Variants in CADPS2 observed in about 807,000 individuals in gnomAD.
CADPS2 encodes calcium dependent secretion activator 2.
A neutral mutation model predicts 172.5 loss-of-function variants in CADPS2; 93 were observed. That is an observed-to-expected ratio of 0.54 (90% CI 0.46 to 0.64). The LOEUF (loss-of-function observed/expected upper bound fraction) is 0.64. Ranked by LOEUF, CADPS2 falls within the 30% of genes least tolerant of loss-of-function variation. The pLI is 0.00. For missense variants in CADPS2, 1,420 were observed against 1,565.9 expected (o/e 0.91, Z 1.57); for synonymous variants, 546 against 555.2 (o/e 0.98, Z 0.23).
intron 2 of CADPS2, among the ~76,000 whole-genome samples, chr7:122,733,976 T>C (rs1258150965): frequency 1.3e-5 from 2 of 151,938 alleles, no homozygotes; most frequent in East Asian, 3.9e-4. Context: ...ATTAAATAAA[T>C]GAAATTGCTT....
intron 27 of CADPS2, among the ~76,000 whole-genome samples, chr7:122,355,036 T>C (rs2039191026): frequency 6.6e-6 from 1 of 152,104 alleles, no homozygotes; most frequent in African/African-American, 2.4e-5. Context: ...CTCCTAAGTA[T>C]GATTTTTTTT....
At chr7:122,850,635 C>T (rs1358207774) in intron 1 of CADPS2, among the ~76,000 whole-genome samples, 1 of 152,252 alleles carries the variant, frequency 6.6e-6, no homozygotes, top group Non-Finnish European at 1.5e-5. Context: ...TCCTGATGGT[C>T]AGCTCCCTTC....
At chr7:122,637,993 T>G (rs1237689471) in intron 3 of CADPS2, among the ~76,000 whole-genome samples, 1 of 152,220 alleles carries the variant, frequency 6.6e-6, no homozygotes, top group Non-Finnish European at 1.5e-5. Context: ...GAGTGGTGGC[T>G]GGCAGATAGC....
chr7:122,651,983 A>G (rs1588140957), intron 3 of CADPS2, among the ~76,000 whole-genome samples: 1 of 152,148 alleles, frequency 6.6e-6, no homozygotes, highest in Non-Finnish European at 1.5e-5. Context: ...CTCATACTCC[A>G]GTAGTCAACG....
intron 7 of CADPS2, among the ~76,000 whole-genome samples, chr7:122,570,123 A>C (rs2067024752): frequency 6.7e-6 from 1 of 149,302 alleles, no homozygotes; most frequent in Non-Finnish European, 1.5e-5. Flanking sequence ...AAATTTTCGC[A>C]ACCTACTCAT....
chr7:122,841,489 C>T (rs1479830384), intron 1 of CADPS2, among the ~76,000 whole-genome samples: 2 of 152,088 alleles, frequency 1.3e-5, no homozygotes, highest in African/African-American at 4.8e-5. Flanking sequence ...TAAACCTATA[C>T]CTTACTGTAT....
At chr7:122,323,430 G>T (rs556332622) in intron 29 of CADPS2, among the ~76,000 whole-genome samples, 111 of 152,088 alleles carry the variant, frequency 7.3e-4, no homozygotes, top group African/African-American at 2.6e-3. Flanking sequence ...TAAAATTATT[G>T]TTCTTTTATG....
Position 122,416,069 on chromosome 7 carries a change from G to C in CADPS2, c.2572C>G (p.His858Asp). The change falls in exon 18 of 30, where the codon CAT (histidine) becomes GAT (aspartate). Residue 858 changes from histidine to aspartate, a missense_variant. Coordinates refer to ENST00000449022, the MANE Select transcript of CADPS2 (RefSeq NM_017954.11). ...TGAAAACAGGTCATCACCTCTGCATGATGCTCTTCATTCTGCTGTAAGACT... is the reference window on the plus strand; with the variant it reads ...TGAAAACAGGTCATCACCTCTGCATCATGCTCTTCATTCTGCTGTAAGACT... ...IEVLQQNEEH[H>D]AEGREAFAWW... The C allele has an allele frequency of 1.3e-6, 2 of 1,526,006 alleles. No homozygotes were observed. The highest frequency in any genetic ancestry group is 1.2e-5 in the South Asian group (1 of 82,196). The allele number at this position is 1,526,006 out of a possible 1,614,324, so 94.5% of individuals were successfully genotyped here. A position where few individuals can be genotyped will look rare whatever the true frequency, so the allele number is the denominator to read the frequency against.
At position 122,633,294 on chromosome 7, in the gene CADPS2, G is replaced by A. The variant is rs73218247; in HGVS notation, c.787-3966C>T. On this transcript the variant is annotated intron_variant, in intron 3 of 29. Transcript: ENST00000449022. ...TAAATTGCTTTGGGCAGTATGATCC[G>A]TTTAATGATACTGATTTTTCCATTC... Among the ~76,000 whole-genome samples the A allele has an allele frequency of 6.7e-3, 1,019 of 152,090 alleles. 7 individuals are homozygous for A. Among genetic ancestry groups the A allele is most frequent in the Non-Finnish European group, 0.01 (696 of 67,934 alleles).
intron 6 of CADPS2, among the ~76,000 whole-genome samples, chr7:122,602,694 T>G (rs532260655): frequency 1.1e-4 from 17 of 152,184 alleles, no homozygotes; most frequent in African/African-American, 4.1e-4. Flanking sequence ...TATGAATACT[T>G]TGATTCACAG....
At chr7:122,673,750 G>A (rs556452995) in intron 2 of CADPS2, among the ~76,000 whole-genome samples, 1 of 152,340 alleles carries the variant, frequency 6.6e-6, no homozygotes, top group East Asian at 1.9e-4. Context: ...AACTGGCTTC[G>A]CCTAGTGGAT....
intron 7 of CADPS2, among the ~76,000 whole-genome samples, chr7:122,558,286 T>G (rs191497328): frequency 1.7e-4 from 26 of 152,298 alleles, no homozygotes; most frequent in Admixed American, 8.5e-4. Flanking sequence ...TCATAATAAT[T>G]AAAATATTTA....
At chr7:122,647,534 TA>T (rs2078695212) in intron 3 of CADPS2, among the ~76,000 whole-genome samples, 1 of 152,202 alleles carries the variant, frequency 6.6e-6, no homozygotes, top group African/African-American at 2.4e-5. Context: ...ATTACATAAG[TA>T]ATATTCTGCT....
intron 1 of CADPS2, among the ~76,000 whole-genome samples, chr7:122,880,807 A>T (rs993865338): frequency 6.6e-6 from 1 of 152,230 alleles, no homozygotes; most frequent in South Asian, 2.1e-4. Context: ...ACATAAAATG[A>T]TATATTACAG....
chr7:122,719,138 G>A (rs1023235054), intron 2 of CADPS2, among the ~76,000 whole-genome samples: 3 of 152,042 alleles, frequency 2.0e-5, no homozygotes, highest in African/African-American at 7.2e-5. Context: ...TGTAGGAGGA[G>A]GGAGCCATGG....
intron 11 of CADPS2, among the ~76,000 whole-genome samples, chr7:122,484,869 C>T (rs2057650916): frequency 6.6e-6 from 1 of 152,084 alleles, no homozygotes; most frequent in African/African-American, 2.4e-5. Context: ...TCCATGGTGT[C>T]ACTTTTTTAA....
At chr7:122,327,212 C>T (rs993716091) in intron 28 of CADPS2, among the ~76,000 whole-genome samples, 7 of 152,020 alleles carry the variant, frequency 4.6e-5, no homozygotes, top group East Asian at 1.9e-4. Context: ...CTTTAATTTC[C>T]GACACTAAAT....
chr7:122,744,847 T>C (rs1430592612), intron 1 of CADPS2, among the ~76,000 whole-genome samples: 4 of 152,156 alleles, frequency 2.6e-5, no homozygotes, highest in Non-Finnish European at 4.4e-5. Context: ...CATGTCATCA[T>C]GGCATTGTCT....
At chr7:122,664,843 GAC>G (rs2081015098) in intron 2 of CADPS2, among the ~76,000 whole-genome samples, 1 of 151,968 alleles carries the variant, frequency 6.6e-6, no homozygotes, top group Non-Finnish European at 1.5e-5. Context: ...GGAGCCCAGT[GAC>G]ACAATCACAG....
Sources: allele counts gnomAD v4.1 joint callset (sites outside exome capture counted in the v4.1 genomes callset), GRCh38; gene constraint gnomAD v4.1.1; transcripts MANE v1.5; gene names NCBI Gene and HGNC (gene_info 2026-07-23, HGNC 2026-07-21).